Variants in DCLK2 observed in about 807,000 individuals in gnomAD.
DCLK2 encodes the protein doublecortin like kinase 2, also known as serine/threonine-protein kinase DCLK2.
DCLK2 carries 31 observed loss-of-function variants against 78.4 expected under a neutral mutation model. The observed-to-expected ratio is 0.40, with a 90% CI of 0.30 to 0.53. DCLK2 has a LOEUF of 0.53. Ranked by LOEUF, DCLK2 falls within the 20% of genes least tolerant of loss-of-function variation. DCLK2 has a pLI of 0.61. For missense variants in DCLK2, 872 were observed against 973.7 expected, an observed-to-expected ratio of 0.90 and a Z score of 1.39; for synonymous variants, 407 against 374.9, an observed-to-expected ratio of 1.09 and a Z score of -0.99.
intron 2 of DCLK2, among the ~76,000 whole-genome samples, chr4:150,107,348 G>A (rs1202312144): frequency 1.3e-5 from 2 of 149,212 alleles, no homozygotes; most frequent in South Asian, 2.1e-4. Context: ...TTGTTAGAAT[G>A]TCATGGTTTG....
At chr4:150,254,192 G>A (rs1036436803) in intron 15 of DCLK2, among the ~76,000 whole-genome samples, 3 of 152,226 alleles carry the variant, frequency 2.0e-5, no homozygotes, top group Non-Finnish European at 2.9e-5. Flanking sequence ...GTCACTCGGC[G>A]CCTGCGGTGC....
chr4:150,123,528 A>T (rs1732711376), intron 2 of DCLK2, among the ~76,000 whole-genome samples: 1 of 152,218 alleles, frequency 6.6e-6, no homozygotes, highest in Non-Finnish European at 1.5e-5. Context: ...TATAATAATA[A>T]TAAAGCAGTC....
At chr4:150,107,278 T>C (rs1731325551) in intron 2 of DCLK2, among the ~76,000 whole-genome samples, 1 of 152,206 alleles carries the variant, frequency 6.6e-6, no homozygotes, top group Non-Finnish European at 1.5e-5. Flanking sequence ...TTTCAGAATT[T>C]CTAGAAGTCC....
chr4:150,139,387 A>C (rs1733951702), intron 2 of DCLK2, among the ~76,000 whole-genome samples: 2 of 152,154 alleles, frequency 1.3e-5, no homozygotes, highest in South Asian at 4.1e-4. Context: ...TAGGTGTGTA[A>C]AAGGAGTATC....
chr4:150,190,053 G>GAAAAAAAAAAA (rs1378760105), intron 2 of DCLK2, among the ~76,000 whole-genome samples: 1 of 12,956 alleles, frequency 7.7e-5, no homozygotes, highest in African/African-American at 1.9e-4. Flanking sequence ...AAAAAAAAAG[G>GAAAAAAAAAAA]CCAAGTGTGG....
intron 2 of DCLK2, among the ~76,000 whole-genome samples, chr4:150,149,033 G>T (rs1435229695): frequency 2.1e-4 from 15 of 72,184 alleles, no homozygotes; most frequent in Non-Finnish European, 4.3e-4. Context: ...GTGACAGACT[G>T]TCTCAAAAAA....
intron 12 of DCLK2, among the ~76,000 whole-genome samples, chr4:150,247,318 G>C (rs1743395227): frequency 6.6e-6 from 1 of 152,142 alleles, no homozygotes; most frequent in African/African-American, 2.4e-5. Context: ...TCCCTTTCCA[G>C]AACTTTTCCA....
intron 8 of DCLK2, among the ~76,000 whole-genome samples, chr4:150,231,990 A>G (rs1450302957): frequency 6.6e-6 from 1 of 152,232 alleles, no homozygotes; most frequent in Non-Finnish European, 1.5e-5. Context: ...TGGCTGAATT[A>G]CAAAGCACAG....
chr4:150,202,032 AGTGCTGC>A (rs1474170134), intron 4 of DCLK2, among the ~76,000 whole-genome samples: 2 of 152,098 alleles, frequency 1.3e-5, no homozygotes, highest in African/African-American at 4.8e-5. Flanking sequence ...CCCCAATTAG[AGTGCTGC>A]ATTTGTTACA....
intron 2 of DCLK2, among the ~76,000 whole-genome samples, chr4:150,106,406 A>C (rs1731256740): frequency 6.6e-6 from 1 of 152,214 alleles, no homozygotes; most frequent in South Asian, 2.1e-4. Flanking sequence ...ACATGTATGT[A>C]AAACTATCAG....
In DCLK2 at chr4:150,256,068, C is replaced by G. The variant is rs761420593; in HGVS notation, c.2122C>G (p.Gln708Glu). The change falls in exon 16 of 16, where the codon CAA (glutamine) becomes GAA (glutamate). Residue 708 changes from glutamine (Q) to glutamate (E), a missense_variant. Coordinates refer to ENST00000296550, the MANE Select transcript of DCLK2 (RefSeq NM_001040260.4). ...GCAGATTTTCTGCAGCAAGCACTGT[C>G]AAGACAGCGGCAGGCCTGGGATGGA... ...EGQIFCSKHC[Q>E]DSGRPGMEPI... 1.9e-6 allele frequency: 3 copies of G among 1,613,204 alleles called. No homozygotes were observed. Among genetic ancestry groups the G allele is most frequent in the South Asian group, 2.2e-5 (2 of 91,000 alleles).
intron 2 of DCLK2, among the ~76,000 whole-genome samples, chr4:150,181,264 C>T (rs533655765): frequency 6.6e-6 from 1 of 152,132 alleles, no homozygotes; most frequent in African/African-American, 2.4e-5. Flanking sequence ...AAAGGGATCA[C>T]CTTTCTGCCC....
chr4:150,114,134 A>T (rs1198647997), intron 2 of DCLK2, among the ~76,000 whole-genome samples: 1 of 151,782 alleles, frequency 6.6e-6, no homozygotes, highest in Admixed American at 6.6e-5. Flanking sequence ...ATTTTTTTTT[A>T]ATTTATTAAG....
chr4:150,081,693 T>A (rs1729294025), intron 1 of DCLK2, among the ~76,000 whole-genome samples: 3 of 148,264 alleles, frequency 2.0e-5, no homozygotes, highest in Admixed American at 2.0e-4. Context: ...AGCAATGCAA[T>A]TTTTTTTTTA....
rs1361555476 is a variant in DCLK2, at chr4:150,247,686, C to T, written c.1862C>T (p.Thr621Met). 2 of 1,613,968 alleles carry T rather than the reference C, an allele frequency of 1.2e-6. No homozygotes were observed. Among genetic ancestry groups the T allele is most frequent in the Non-Finnish European group, 1.7e-6 (2 of 1,179,932 alleles). Residue 621 changes from threonine (T) to methionine (M), a missense_variant, in exon 13 of 16, where the codon ACG becomes ATG. Thr to Met is a moderately conservative substitution (Grantham distance 81, BLOSUM62 -1). This residue lies in a region of DCLK2 where 219 missense variants were observed against 230.1 expected (regional missense o/e 0.95). Transcript: ENST00000296550. The part of the protein sequence containing the change: ...EFPAPYWDNI[T>M]DSAKELISQM... The stretch of plus-strand genomic sequence containing the variant: ...CCGGCCCCCTACTGGGATAACATCA[C>T]GGACTCTGCCAAGGTACCCTCCAGG...
intron 8 of DCLK2, among the ~76,000 whole-genome samples, chr4:150,231,992 A>G (rs1440901725): frequency 6.6e-6 from 1 of 152,234 alleles, no homozygotes; most frequent in Non-Finnish European, 1.5e-5. Flanking sequence ...GCTGAATTAC[A>G]AAGCACAGAG....
At chr4:150,158,946 G>C (rs973480567) in intron 2 of DCLK2, among the ~76,000 whole-genome samples, 1 of 152,116 alleles carries the variant, frequency 6.6e-6, no homozygotes, top group Middle Eastern at 3.2e-3. Flanking sequence ...AGGGCTTACT[G>C]GAAGAATCAT....
intron 5 of DCLK2, among the ~76,000 whole-genome samples, chr4:150,218,087 G>GC (rs1364112932): frequency 1.1e-5 from 1 of 87,190 alleles, no homozygotes; most frequent in Non-Finnish European, 2.4e-5. Flanking sequence ...CTCCTCCCCC[G>GC]CCCCCCCTCC....
chr4:150,193,944 G>A (rs1319818289), intron 3 of DCLK2, among the ~76,000 whole-genome samples: 4 of 151,476 alleles, frequency 2.6e-5, no homozygotes, highest in Admixed American at 6.6e-5. Flanking sequence ...TAGAGACAGG[G>A]TCTTGCTATG....
Sources: allele counts gnomAD v4.1 joint callset (sites outside exome capture counted in the v4.1 genomes callset), GRCh38; gene constraint gnomAD v4.1.1; regional missense constraint gnomAD v4.1.1; transcripts MANE v1.5; gene names NCBI Gene and HGNC (gene_info 2026-07-23, HGNC 2026-07-21).